FNDC1: variants seen among roughly 807,000 people sequenced by gnomAD.
The protein encoded by FNDC1 is fibronectin type III domain-containing protein 1.
Under a neutral mutation model 168.0 loss-of-function variants are expected in FNDC1, and 96 were observed. The ratio of observed to expected loss-of-function variants is 0.57; its 90% confidence interval spans 0.48 to 0.68. The LOEUF is 0.68. Ranked by LOEUF, FNDC1 falls within the 30% of genes least tolerant of loss-of-function variation. The probability of loss-of-function intolerance (pLI) is 0.00; values close to 1 mark genes in which losing one functional copy is unlikely to be tolerated. For missense variants in FNDC1, 2,587 were observed against 2,482.1 expected (o/e 1.04, Z -0.90); for synonymous variants, 1,099 against 1,025.9 (o/e 1.07, Z -1.36).
Position 159,271,328 on chromosome 6 carries a change from C to G in FNDC1, c.5571C>G (p.Gly1857=), listed in dbSNP as rs753984800. 1.2e-6 allele frequency: 2 copies of G among 1,602,652 alleles called. No individual in the cohort carries two copies. Among genetic ancestry groups the G allele is most frequent in the Admixed American group, 3.4e-5 (2 of 58,656 alleles). The change falls in exon 23 of 23, where the codon GGC becomes GGG. Residue 1857 remains glycine, a splice_region_variant and synonymous_variant. Transcript: ENST00000297267. The part of the protein sequence containing the change: ...SYVEALPTIQ[G]YYRQYRQEPV... ...TCCCCTCTCCTGTTGCCCTTCCAGGCTACTATCGCCAGTATCGTCAGGAGC... is the reference window on the plus strand; with the variant it reads ...TCCCCTCTCCTGTTGCCCTTCCAGGGTACTATCGCCAGTATCGTCAGGAGC...
At chr6:159,174,279 TG>T (rs2114914756) in intron 1 of FNDC1, among the ~76,000 whole-genome samples, 1 of 152,342 alleles carries the variant, frequency 6.6e-6, no homozygotes, top group South Asian at 2.1e-4. Flanking sequence ...TACCAACTTT[TG>T]TAGATGTATG....
At chr6:159,260,787 C>T (rs1249295523) in intron 18 of FNDC1, among the ~76,000 whole-genome samples, 1 of 152,230 alleles carries the variant, frequency 6.6e-6, no homozygotes, top group Non-Finnish European at 1.5e-5. Context: ...CACCCTCTCT[C>T]TCTTGGGCTG....
In FNDC1 at chr6:159,232,301, G is replaced by A. The variant is rs1445735422; in HGVS notation, c.1789G>A (p.Val597Ile). 5 of 1,612,394 alleles carry A rather than the reference G, an allele frequency of 3.1e-6. No individual in the cohort carries two copies. The highest frequency in any genetic ancestry group is 4.2e-6 in the Non-Finnish European group (5 of 1,179,276). ...GCCAGCGCTGCCCCGAAGGGAAGGC[G>A]TAGATAAGCCTGGCTTTTCCCTGGC... Reference protein sequence around the residue: ...RMPALPRREGVDKPGFSLATQ... With the variant: ...RMPALPRREGIDKPGFSLATQ... The change falls in exon 11 of 23, where the codon GTA becomes ATA. Residue 597 changes from valine to isoleucine, a missense_variant. Coordinates refer to ENST00000297267, the MANE Select transcript of FNDC1 (RefSeq NM_032532.3). This position sits in a 1 kb window ranked among gnomAD's most constrained non-coding sequence, Gnocchi z 4.9.
intron 18 of FNDC1, among the ~76,000 whole-genome samples, chr6:159,259,328 G>A (rs1269749056): frequency 6.6e-6 from 1 of 152,156 alleles, no homozygotes; most frequent in Non-Finnish European, 1.5e-5. Context: ...ATGGGAATAT[G>A]TCTTTGGAAT....
intron 5 of FNDC1, among the ~76,000 whole-genome samples, chr6:159,218,070 C>G (rs1184297961): frequency 6.6e-6 from 1 of 152,226 alleles, no homozygotes; most frequent in Non-Finnish European, 1.5e-5. Context: ...TCCGCTGTTG[C>G]AGGGGAGCTT....
chr6:159,258,045 G>A (rs940030168), intron 18 of FNDC1, among the ~76,000 whole-genome samples: 4 of 151,860 alleles, frequency 2.6e-5, no homozygotes, highest in African/African-American at 4.8e-5. Flanking sequence ...CTCCTGACTC[G>A]CCGAGTCCAG....
intron 1 of FNDC1, among the ~76,000 whole-genome samples, chr6:159,177,060 T>G (rs1396671508): frequency 6.6e-6 from 1 of 152,190 alleles, no homozygotes; most frequent in Non-Finnish European, 1.5e-5. Flanking sequence ...AGGATTGATT[T>G]ATAGTGCGGG....
At chr6:159,198,470 CA>C (rs58521736) in intron 2 of FNDC1, among the ~76,000 whole-genome samples, 4,619 of 152,248 alleles carry the variant, frequency 0.03, 264 homozygotes, top group African/African-American at 0.11. Context: ...GGTAACAGAG[CA>C]GAAAGTTTAT....
chr6:159,192,076 C>G (rs1210707418), intron 1 of FNDC1, among the ~76,000 whole-genome samples: 1 of 152,086 alleles, frequency 6.6e-6, no homozygotes, highest in East Asian at 1.9e-4. Context: ...TGAGGTTTCA[C>G]CATCTTGCTC....
At chr6:159,236,174 A>G (rs758877610) in intron 11 of FNDC1, 41 bp from the exon 12 acceptor site, 2 of 1,477,922 alleles carry the variant, frequency 1.4e-6, no homozygotes, top group Non-Finnish European at 1.9e-6. Flanking sequence ...GGCATGTTGA[A>G]TTTACCAGGC....
rs1376511734 is a variant in FNDC1 at position 159,249,084 on chromosome 6, C to G, written c.4736C>G (p.Ser1579Trp). ...AGGCCACCAACCACCACTGAGCCTT[C>G]GACCACTGCTACCACACCGAGGGTG... ...TSRPPTTTEPSTTATTPRVIP... is the reference protein window; with the variant it reads ...TSRPPTTTEPWTTATTPRVIP... Residue 1579 changes from serine to tryptophan, a missense_variant, in exon 16 of 23, where the codon TCG becomes TGG. Coordinates refer to ENST00000297267, the MANE Select transcript of FNDC1 (RefSeq NM_032532.3). 5 of 1,605,050 alleles carry G rather than the reference C, an allele frequency of 3.1e-6. No individual in the cohort carries two copies. The highest frequency in any genetic ancestry group is 4.3e-6 in the Non-Finnish European group (5 of 1,175,632).
At chr6:159,245,264 C>A (rs931166781) in intron 14 of FNDC1, among the ~76,000 whole-genome samples, 1 of 152,102 alleles carries the variant, frequency 6.6e-6, no homozygotes, top group African/African-American at 2.4e-5. Context: ...ACCATATCAG[C>A]TGAGAAGTGG....
At chr6:159,239,328 T>C (rs1303034412) in intron 13 of FNDC1, among the ~76,000 whole-genome samples, 189 bp from the exon 14 acceptor site, 4 of 152,228 alleles carry the variant, frequency 2.6e-5, no homozygotes, top group Non-Finnish European at 5.9e-5. Flanking sequence ...AAAGTATTTC[T>C]TCCTTTGCTA....
intron 14 of FNDC1, among the ~76,000 whole-genome samples, chr6:159,242,288 C>G (rs941938674): frequency 6.6e-6 from 1 of 152,116 alleles, no homozygotes; most frequent in African/African-American, 2.4e-5. Flanking sequence ...ACAATGAGAA[C>G]ACATGGACAC....
chr6:159,247,823 C>G (rs1425226338), intron 15 of FNDC1, among the ~76,000 whole-genome samples: 2 of 152,152 alleles, frequency 1.3e-5, no homozygotes, highest in Non-Finnish European at 2.9e-5. Flanking sequence ...TAAGTGGTAA[C>G]TAGTGGTATT....
intron 21 of FNDC1, among the ~76,000 whole-genome samples, chr6:159,266,594 A>G (rs751130779): frequency 7.2e-5 from 11 of 152,174 alleles, no homozygotes; most frequent in Non-Finnish European, 1.2e-4. Flanking sequence ...AAAGAAATAA[A>G]AAATGAACAA....
At position 159,233,867 on chromosome 6, in the gene FNDC1, G is replaced by A; in HGVS notation, c.3355G>A (p.Ala1119Thr). 3 of 1,546,984 alleles carry A rather than the reference G, an allele frequency of 1.9e-6. No individual in the cohort carries two copies. Among genetic ancestry groups the A allele is most frequent in the African/African-American group, 1.4e-5 (1 of 73,028 alleles). Reference sequence around the variant, plus strand: ...CCAGCAGGTGGAGTCTCCCACAGGCGCAGGGGCAGGTGGCGACCACAGGTC... The same window carrying A: ...CCAGCAGGTGGAGTCTCCCACAGGCACAGGGGCAGGTGGCGACCACAGGTC... ...KHQQVESPTG[A>T]GAGGDHRSQR... Residue 1119 changes from alanine to threonine, a missense_variant, in exon 11 of 23, where the codon GCA (alanine) becomes ACA (threonine). By Grantham distance (58) the Ala-to-Thr change is moderately conservative. Transcript: ENST00000297267. This position sits in a 1 kb window ranked among gnomAD's most constrained non-coding sequence, Gnocchi z 4.6.
intron 14 of FNDC1, chr6:159,243,136 G>T (rs1451296018): frequency 6.7e-6 from 1 of 149,880 alleles, no homozygotes; most frequent in African/African-American, 2.5e-5. Context: ...AGACCTTAAG[G>T]TATAGGCATT....
chr6:159,229,359 A>C (rs925148161), intron 9 of FNDC1, among the ~76,000 whole-genome samples: 4 of 152,344 alleles, frequency 2.6e-5, no homozygotes, highest in African/African-American at 9.6e-5. Context: ...TAAATGTGCT[A>C]ATAAAAATAA....
Sources: gnomAD v4.1 joint callset for allele counts (sites outside exome capture counted in the v4.1 genomes callset) on GRCh38, gnomAD v4.1.1 for gene constraint, Gnocchi (gnomAD v3.1) non-coding constraint, MANE v1.5 for transcripts, NCBI Gene and HGNC (gene_info 2026-07-23, HGNC 2026-07-21) for gene names.